Variants in PAH observed in about 807,000 individuals in gnomAD.
The protein encoded by PAH is phenylalanine-4-hydroxylase.
A neutral mutation model predicts 62.0 loss-of-function variants in PAH; 64 were observed. That is an observed-to-expected ratio of 1.03 (90% CI 0.84 to 1.27). PAH has a LOEUF of 1.27. PAH is among the 50% of genes most tolerant of loss of function. PAH has a pLI of 0.00. For missense variants in PAH, 579 were observed against 542.8 expected (o/e 1.07, Z -0.66); for synonymous variants, 195 against 196.2 (o/e 0.99, Z 0.05).
In PAH at chr12:102,898,629, T is replaced by G. The variant is rs1376084822; in HGVS notation, c.169-3711A>C. On this transcript the variant is annotated intron_variant, in intron 2 of 12. Transcript: ENST00000553106. Reference sequence around the variant, plus strand: ...TTAAGTAACACTTTATAGTATAGAATTCTTTTCTGTGACCATCCCAACAAT... The same window carrying G: ...TTAAGTAACACTTTATAGTATAGAAGTCTTTTCTGTGACCATCCCAACAAT... 2.0e-5 allele frequency among the ~76,000 whole-genome samples: 3 copies of G among 152,322 alleles called. No individual in the cohort carries two copies. The South Asian group carries it at 6.2e-4, about 32-fold the overall frequency.
chr12:102,864,603 C>T (rs1875866761), intron 5 of PAH, among the ~76,000 whole-genome samples: 1 of 152,122 alleles, frequency 6.6e-6, no homozygotes, highest in Non-Finnish European at 1.5e-5. Flanking sequence ...GTAAAGGACA[C>T]ATGTTGACAA....
upstream of PAH, among the ~76,000 whole-genome samples, chr12:102,951,061 G>C (rs190703122): frequency 1.0e-4 from 15 of 150,180 alleles, no homozygotes; most frequent in African/African-American, 2.5e-4. Flanking sequence ...TTGTGCGTGG[G>C]GGGGGAAGCA....
At chr12:102,906,423 T>C (rs1428236069) in intron 2 of PAH, among the ~76,000 whole-genome samples, 1 of 152,158 alleles carries the variant, frequency 6.6e-6, no homozygotes, top group East Asian at 1.9e-4. Flanking sequence ...TGCAGAATTG[T>C]CTGTGACTAT....
intron 1 of PAH, among the ~76,000 whole-genome samples, chr12:102,941,279 C>A (rs1261823460): frequency 6.6e-6 from 1 of 152,152 alleles, no homozygotes; most frequent in South Asian, 2.1e-4. Context: ...GCTAATAACA[C>A]AATAATAGGA....
At chr12:102,944,029 A>C (rs1009459115) in intron 1 of PAH, among the ~76,000 whole-genome samples, 1 of 152,200 alleles carries the variant, frequency 6.6e-6, no homozygotes, top group African/African-American at 2.4e-5. Context: ...CCTGAACCTA[A>C]AATAAAAGTT....
intron 1 of PAH, among the ~76,000 whole-genome samples, chr12:102,928,680 C>T (rs1212881313): frequency 2.0e-5 from 3 of 152,072 alleles, no homozygotes; most frequent in African/African-American, 4.8e-5. Flanking sequence ...TCCATCAGGC[C>T]ATGGGGTGCT....
intron 3 of PAH, among the ~76,000 whole-genome samples, chr12:102,891,159 C>T (rs560325584): frequency 3.9e-5 from 6 of 152,244 alleles, no homozygotes; most frequent in African/African-American, 1.2e-4. Context: ...GGAGAACAGG[C>T]GGAATCACAC....
chr12:102,956,342 C>G (rs772889178), intron 1 of PAH, among the ~76,000 whole-genome samples: 2 of 152,240 alleles, frequency 1.3e-5, no homozygotes, highest in Non-Finnish European at 1.5e-5. Flanking sequence ...CGTCCTGAAG[C>G]TGGACGGGGT....
chr12:102,923,749 T>A (rs1878614114), intron 1 of PAH, among the ~76,000 whole-genome samples: 1 of 152,254 alleles, frequency 6.6e-6, no homozygotes, highest in African/African-American at 2.4e-5. Context: ...TGGGATATTT[T>A]GTACCTGTCT....
intron 3 of PAH, among the ~76,000 whole-genome samples, chr12:102,878,905 T>C (rs184158759): frequency 5.9e-5 from 9 of 152,138 alleles, no homozygotes; most frequent in Non-Finnish European, 1.0e-4. Context: ...AAATAGCTGA[T>C]TTGAGATCAC....
rs140243918 is a variant in PAH, at chr12:102,844,399, G to A, written c.1002C>T (p.Cys334=). The A allele has an allele frequency of 4.0e-5, 64 of 1,613,552 alleles. No individual in the cohort carries two copies. The highest frequency in any genetic ancestry group is 5.0e-5 in the Non-Finnish European group (59 of 1,179,666). Residue 334 remains cysteine (C), a synonymous_variant, in exon 10 of 13, where the codon TGC becomes TGT. Coordinates refer to ENST00000553106, the MANE Select transcript of PAH (RefSeq NM_000277.3). The part of the protein sequence containing the change: ...IYWFTVEFGL[C]KQGDSIKAYG... ...ATGCCTTTATGGAGTCTCCTTGTTTGCAGAGCCCAAACTCCACAGTAAACC... is the reference window on the plus strand; with the variant it reads ...ATGCCTTTATGGAGTCTCCTTGTTTACAGAGCCCAAACTCCACAGTAAACC...
intron 4 of PAH, among the ~76,000 whole-genome samples, chr12:102,866,948 A>G (rs527373826): frequency 4.6e-4 from 70 of 152,346 alleles, no homozygotes; most frequent in South Asian, 6.2e-4. Flanking sequence ...TGACTGACAC[A>G]CTTGCTAAAC....
chr12:102,910,093 C>A (rs1313507151), intron 2 of PAH, among the ~76,000 whole-genome samples: 2 of 152,028 alleles, frequency 1.3e-5, no homozygotes, highest in East Asian at 3.8e-4. Flanking sequence ...ATATATAAAA[C>A]TCAGGTTCTG....
chr12:102,856,401 C>T (rs1404892131), intron 5 of PAH, among the ~76,000 whole-genome samples: 1 of 152,230 alleles, frequency 6.6e-6, no homozygotes, highest in Non-Finnish European at 1.5e-5. Flanking sequence ...GACTCCACCT[C>T]TGGGGGCAGT....
intron 2 of PAH, among the ~76,000 whole-genome samples, chr12:102,911,261 G>A (rs1017406057): frequency 1.3e-5 from 2 of 152,118 alleles, no homozygotes; most frequent in African/African-American, 4.8e-5. Flanking sequence ...AAAGGATAAA[G>A]TTATATATTT....
rs773526027 is a variant in PAH, at chr12:102,840,497, T to C, written c.1218A>G (p.Ile406Met). ...CGTAGCGAACTGAGAAGGGCCGAGG[T>C]ATTGTGGCAGCAAAGTTCCTAAGAC... ...KEKVRNFAAT[I>M]PRPFSVRYDP... Residue 406 changes from isoleucine to methionine, a missense_variant, in exon 12 of 13, where the codon ATA becomes ATG. Physicochemically the swap from Ile to Met is conservative, Grantham distance 10. Transcript: ENST00000553106. 13 of 1,613,428 alleles carry C rather than the reference T, an allele frequency of 8.1e-6. No individual in the cohort carries two copies. The highest frequency in any genetic ancestry group is 1.1e-5 in the South Asian group (1 of 91,050).
At chr12:102,945,723 C>A (rs1266316415) in intron 1 of PAH, among the ~76,000 whole-genome samples, 5 of 152,144 alleles carry the variant, frequency 3.3e-5, no homozygotes. Context: ...CCAGGGCAGT[C>A]CAGAAATGCC....
intron 4 of PAH, among the ~76,000 whole-genome samples, chr12:102,869,813 G>A (rs1876220114): frequency 6.6e-6 from 1 of 152,194 alleles, no homozygotes; most frequent in African/African-American, 2.4e-5. Context: ...CGACCACAGG[G>A]CCTCTGTAGC....
At chr12:102,954,041 T>C (rs985036890), upstream of PAH, among the ~76,000 whole-genome samples, 9 of 152,206 alleles carry the variant, frequency 5.9e-5, no homozygotes, top group Non-Finnish European at 1.3e-4. Context: ...AAATGGGACA[T>C]TGTTCAAGTG....
Sources: allele counts gnomAD v4.1 joint callset (sites outside exome capture counted in the v4.1 genomes callset), GRCh38; gene constraint gnomAD v4.1.1; transcripts MANE v1.5; gene names NCBI Gene and HGNC (gene_info 2026-07-23, HGNC 2026-07-21).